The following EFNA5 variants were observed in gnomAD, a reference collection of about 807,000 sequenced individuals.
EFNA5 encodes ephrin A5.
Under a neutral mutation model 22.9 loss-of-function variants are expected in EFNA5, and 5 were observed. The ratio of observed to expected loss-of-function variants is 0.22; its 90% confidence interval spans 0.11 to 0.46. The LOEUF (loss-of-function observed/expected upper bound fraction) is 0.46. Ranked by LOEUF, EFNA5 falls within the 20% of genes least tolerant of loss-of-function variation. The pLI, the probability that EFNA5 is intolerant of heterozygous loss-of-function variation, is 0.99. For synonymous variants in EFNA5, 113 were observed against 112.2 expected (o/e 1.01, Z -0.04); for missense variants, 237 against 293.3 (o/e 0.81, Z 1.40).
intron 1 of EFNA5, among the ~76,000 whole-genome samples, chr5:107,649,110 T>A (rs950497730): frequency 1.3e-5 from 2 of 152,066 alleles, no homozygotes; most frequent in African/African-American, 4.8e-5. Context: ...TGTCAAGGCC[T>A]TACCACATCT....
intron 1 of EFNA5, among the ~76,000 whole-genome samples, chr5:107,488,984 C>G (rs981824276): frequency 7.2e-5 from 11 of 152,054 alleles, no homozygotes; most frequent in South Asian, 2.1e-4. Flanking sequence ...AGCCACTGCG[C>G]CCGGCCACAA....
chr5:107,541,946 G>C (rs981144476), intron 1 of EFNA5, among the ~76,000 whole-genome samples: 1 of 152,110 alleles, frequency 6.6e-6, no homozygotes, highest in Non-Finnish European at 1.5e-5. Flanking sequence ...TTTTATATCT[G>C]TGTTGTTGAA....
intron 2 of EFNA5, among the ~76,000 whole-genome samples, chr5:107,403,173 CAGA>C (rs1246190531): frequency 2.6e-5 from 4 of 152,162 alleles, no homozygotes; most frequent in Admixed American, 6.6e-5. Flanking sequence ...CACAGGGAAG[CAGA>C]AGGAGTGTTT....
intron 1 of EFNA5, among the ~76,000 whole-genome samples, chr5:107,594,287 T>C (rs539444879): frequency 2.0e-5 from 3 of 152,240 alleles, no homozygotes; most frequent in Admixed American, 1.3e-4. Flanking sequence ...TTTAAAAATG[T>C]TGTAACTGAA....
At chr5:107,608,660 T>A (rs1348697306) in intron 1 of EFNA5, among the ~76,000 whole-genome samples, 2 of 152,238 alleles carry the variant, frequency 1.3e-5, no homozygotes, top group African/African-American at 4.8e-5. Flanking sequence ...TATAACTTCA[T>A]GGCTGTGCTT....
intron 1 of EFNA5, among the ~76,000 whole-genome samples, chr5:107,434,884 A>T (rs758076562): frequency 6.6e-6 from 1 of 152,244 alleles, no homozygotes; most frequent in Non-Finnish European, 1.5e-5. Context: ...TTGAACAGAA[A>T]TCCAATGTCA....
intron 1 of EFNA5, among the ~76,000 whole-genome samples, chr5:107,540,747 A>G (rs1475714136): frequency 6.6e-6 from 1 of 152,254 alleles, no homozygotes; most frequent in Non-Finnish European, 1.5e-5. Flanking sequence ...TGAGTGAGAA[A>G]GCCTAATTCT....
chr5:107,585,303 C>T (rs1209562100), intron 1 of EFNA5, among the ~76,000 whole-genome samples: 1 of 152,146 alleles, frequency 6.6e-6, no homozygotes, highest in Admixed American at 6.5e-5. Flanking sequence ...TCATAGGCAC[C>T]CAGCAGCTGG....
chr5:107,633,964 G>A (rs1235419415), intron 1 of EFNA5, among the ~76,000 whole-genome samples: 2 of 152,088 alleles, frequency 1.3e-5, no homozygotes, highest in East Asian at 1.9e-4. Flanking sequence ...AAAAAAAAGG[G>A]AAACAATTCC....
chr5:107,428,791 T>C (rs1748872170), intron 1 of EFNA5, among the ~76,000 whole-genome samples: 1 of 152,218 alleles, frequency 6.6e-6, no homozygotes, highest in East Asian at 1.9e-4. Flanking sequence ...TCTCTAGATG[T>C]TGGAAAGTTT....
intron 1 of EFNA5, among the ~76,000 whole-genome samples, chr5:107,589,183 C>T (rs1239705112): frequency 6.6e-6 from 1 of 152,132 alleles, no homozygotes; most frequent in Admixed American, 6.6e-5. Context: ...GTAAAGCCAA[C>T]TGAATTATGC....
At chr5:107,489,668 C>CA (rs1554062617) in intron 1 of EFNA5, among the ~76,000 whole-genome samples, 5 of 150,888 alleles carry the variant, frequency 3.3e-5, no homozygotes, top group East Asian at 1.9e-4. Context: ...CTACCCCCCC[C>CA]ACCAAGATCT....
chr5:107,484,410 C>G (rs17594593), intron 1 of EFNA5, among the ~76,000 whole-genome samples: 3,735 of 152,240 alleles, frequency 0.025, 131 homozygotes, highest in Non-Finnish European at 0.026. Context: ...TGCCAAATAA[C>G]TTTGAGGATC....
chr5:107,504,390 A>T (rs1227459931), intron 1 of EFNA5, among the ~76,000 whole-genome samples: 2 of 152,166 alleles, frequency 1.3e-5, no homozygotes, highest in Non-Finnish European at 2.9e-5. Flanking sequence ...TTTTAGTGAT[A>T]TGTTATATAT....
intron 1 of EFNA5, among the ~76,000 whole-genome samples, chr5:107,435,305 T>TGAAG (rs547937293): frequency 4.1e-4 from 60 of 148,120 alleles, no homozygotes; most frequent in African/African-American, 1.5e-3. Context: ...ATTCTAAATC[T>TGAAG]GAAGATGCTC....
At chr5:107,528,879 G>A (rs926838918) in intron 1 of EFNA5, among the ~76,000 whole-genome samples, 20 of 152,154 alleles carry the variant, frequency 1.3e-4, no homozygotes, top group Non-Finnish European at 2.4e-4. Flanking sequence ...CATGACCCAT[G>A]AGTGGTTAGA....
At chr5:107,481,710 T>C (rs1750467092) in intron 1 of EFNA5, among the ~76,000 whole-genome samples, 1 of 151,678 alleles carries the variant, frequency 6.6e-6, no homozygotes, top group Admixed American at 6.6e-5. Flanking sequence ...ATTAGTTGGG[T>C]GTGGTGGCAC....
intron 1 of EFNA5, among the ~76,000 whole-genome samples, chr5:107,629,583 G>A (rs1219452107): frequency 6.6e-6 from 1 of 152,230 alleles, no homozygotes; most frequent in Non-Finnish European, 1.5e-5. Flanking sequence ...GATAATGGGA[G>A]AAGCTGTGCA....
intron 1 of EFNA5, among the ~76,000 whole-genome samples, chr5:107,459,227 C>G (rs1485561617): frequency 6.6e-6 from 1 of 151,986 alleles, no homozygotes; most frequent in East Asian, 1.9e-4. Context: ...AACCCCATCT[C>G]TACCAAAAAT....
Sources: gnomAD v4.1 joint callset for allele counts (sites outside exome capture counted in the v4.1 genomes callset) on GRCh38, gnomAD v4.1.1 for gene constraint, MANE v1.5 for transcripts, NCBI Gene and HGNC (gene_info 2026-07-23, HGNC 2026-07-21) for gene names.